Variants in MERTK observed in about 807,000 individuals in gnomAD.
MERTK encodes tyrosine-protein kinase Mer.
A neutral mutation model predicts 99.3 loss-of-function variants in MERTK; 69 were observed. The ratio of observed to expected loss-of-function variants is 0.70; its 90% CI spans 0.57 to 0.85. The LOEUF is 0.85. Among genes scored for constraint, MERTK ranks in the 40% least tolerant of loss-of-function variants. MERTK has a pLI of 0.00. For missense variants in MERTK, 1,125 were observed against 1,249.4 expected (o/e 0.90, Z 1.50); for synonymous variants, 426 against 467.6 (o/e 0.91, Z 1.15).
chr2:111,996,126 G>A (rs906410851), intron 9 of MERTK: 4 of 154,308 alleles, frequency 2.6e-5, no homozygotes, highest in Admixed American at 6.5e-5. Flanking sequence ...CCTGGCCAAC[G>A]TGGGGAAGCC....
chr2:111,921,992 C>T (rs1684468094), intron 1 of MERTK, among the ~76,000 whole-genome samples: 1 of 152,186 alleles, frequency 6.6e-6, no homozygotes, highest in African/African-American at 2.4e-5. Context: ...CACAGGCTGG[C>T]ACTCACTCCT....
chr2:111,995,386 C>G (rs764804494), intron 9 of MERTK: 20 of 188,426 alleles, frequency 1.1e-4, no homozygotes, highest in Non-Finnish European at 1.8e-4. Context: ...AAACGGCTGT[C>G]ATAAAGTCCA....
At chr2:111,946,039 A>T (rs1050626517) in intron 3 of MERTK, among the ~76,000 whole-genome samples, 1 of 152,184 alleles carries the variant, frequency 6.6e-6, no homozygotes, top group Non-Finnish European at 1.5e-5. Flanking sequence ...CCTGAAATTG[A>T]TGCCCACCAA....
chr2:111,900,986 G>C (rs1159049168), intron 1 of MERTK, among the ~76,000 whole-genome samples: 2 of 152,076 alleles, frequency 1.3e-5, no homozygotes, highest in Non-Finnish European at 2.9e-5. Flanking sequence ...TAGAAGAATG[G>C]GTAAATAAAA....
At chr2:111,927,779 G>GCA (rs984639172) in intron 1 of MERTK, among the ~76,000 whole-genome samples, 13 of 152,140 alleles carry the variant, frequency 8.5e-5, no homozygotes, top group African/African-American at 3.1e-4. Flanking sequence ...CCTACTCCCT[G>GCA]CACACACACA....
At chr2:111,945,932 TG>T (rs1229750709) in intron 3 of MERTK, among the ~76,000 whole-genome samples, 1 of 152,232 alleles carries the variant, frequency 6.6e-6, no homozygotes, top group Non-Finnish European at 1.5e-5. Flanking sequence ...TACTTTATCC[TG>T]ACCTTCCTTG....
intron 2 of MERTK, among the ~76,000 whole-genome samples, chr2:111,936,470 A>T (rs1452788266): frequency 6.6e-6 from 1 of 152,222 alleles, no homozygotes; most frequent in Non-Finnish European, 1.5e-5. Flanking sequence ...GGGTATATAC[A>T]AGGGAAGAAA....
chr2:111,925,369 T>A (rs905107831), intron 1 of MERTK, among the ~76,000 whole-genome samples: 13 of 139,898 alleles, frequency 9.3e-5, no homozygotes, highest in Admixed American at 6.3e-4. Flanking sequence ...TGGTGAGATC[T>A]TGGCTTACTG....
chr2:111,929,601 T>G lies in MERTK; in HGVS notation c.482+61T>G, dbSNP rs184783214. On this transcript the variant is annotated intron_variant, in intron 2 of 18. Transcript: ENST00000295408. ...TTTAATATTTATTTATTTATTTACTTATTGAGACAGAGTATCATTCTGTAG... is the reference window on the plus strand; with the variant it reads ...TTTAATATTTATTTATTTATTTACTGATTGAGACAGAGTATCATTCTGTAG... The G allele has an allele frequency of 3.1e-5, 39 of 1,270,136 alleles. No individual in the cohort carries two copies. The African/African-American group carries it at 3.2e-4, about 10-fold the overall frequency. 78.7% of individuals were successfully genotyped at this position (1,270,136 alleles called of 1,614,324 possible).
At chr2:111,981,962 G>A (rs1445231801) in intron 7 of MERTK, among the ~76,000 whole-genome samples, 1 of 151,994 alleles carries the variant, frequency 6.6e-6, no homozygotes, top group Non-Finnish European at 1.5e-5. Flanking sequence ...TTCAAGTTGT[G>A]TCTGCTTCAC....
intron 1 of MERTK, among the ~76,000 whole-genome samples, chr2:111,922,302 T>C (rs1684474512): frequency 6.6e-6 from 1 of 152,200 alleles, no homozygotes; most frequent in South Asian, 2.1e-4. Context: ...GGTGATCACC[T>C]TGGGCTGTGA....
At chr2:111,992,944 G>A (rs1170985983) in intron 8 of MERTK, among the ~76,000 whole-genome samples, 1 of 152,034 alleles carries the variant, frequency 6.6e-6, no homozygotes, top group Non-Finnish European at 1.5e-5. Flanking sequence ...TGAAACTTGG[G>A]GGACTCTTGG....
chr2:112,008,573 C>A (rs369239426), intron 14 of MERTK, 98 bp downstream of exon 14: 334 of 867,914 alleles, frequency 3.8e-4, no homozygotes, highest in Non-Finnish European at 6.5e-4. Context: ...GTTTACACTT[C>A]GTATAACCCC....
chr2:112,001,953 T>G (rs1487849673), intron 11 of MERTK, among the ~76,000 whole-genome samples: 4 of 152,080 alleles, frequency 2.6e-5, no homozygotes, highest in African/African-American at 7.2e-5. Flanking sequence ...CTTTTAGATA[T>G]CCTCAATTTT....
intron 2 of MERTK, among the ~76,000 whole-genome samples, chr2:111,939,328 G>T (rs1040416060): frequency 6.6e-6 from 1 of 151,880 alleles, no homozygotes; most frequent in Non-Finnish European, 1.5e-5. Flanking sequence ...GTTAATCCAT[G>T]AATGGATTAA....
chr2:112,004,167 C>A (rs1478284812), intron 13 of MERTK, among the ~76,000 whole-genome samples, 183 bp downstream of exon 13: 2 of 152,164 alleles, frequency 1.3e-5, no homozygotes, highest in Non-Finnish European at 2.9e-5. Context: ...ATTCTTTATA[C>A]TCAAGGCAAT....
chr2:112,011,211 G>A (rs1677095913), intron 15 of MERTK, among the ~76,000 whole-genome samples: 1 of 152,194 alleles, frequency 6.6e-6, no homozygotes, highest in Non-Finnish European at 1.5e-5. Context: ...CTTGCTTGAT[G>A]GTCTGATGAG....
At chr2:111,968,602 C>T (rs1553452703) in intron 6 of MERTK, among the ~76,000 whole-genome samples, 3 of 151,970 alleles carry the variant, frequency 2.0e-5, no homozygotes, top group South Asian at 2.1e-4. Flanking sequence ...GGTGTGATCC[C>T]GGCTCACCGC....
chr2:112,001,370 A>T (rs1676866260), intron 11 of MERTK, 84 bp downstream of exon 11: 1 of 1,093,566 alleles, frequency 9.1e-7, no homozygotes, highest in Admixed American at 1.7e-5. Flanking sequence ...TTCTAACAAA[A>T]GCCAAAGATG....
Sources: allele counts gnomAD v4.1 joint callset (sites outside exome capture counted in the v4.1 genomes callset), GRCh38; gene constraint gnomAD v4.1.1; transcripts MANE v1.5; gene names NCBI Gene and HGNC (gene_info 2026-07-23, HGNC 2026-07-21).